Variants in ZNF827 observed in about 807,000 individuals in gnomAD.
ZNF827 encodes zinc finger protein 827.
ZNF827 carries 13 observed loss-of-function variants against 102.4 expected under a neutral mutation model. The observed-to-expected ratio is 0.13, with a 90% CI of 0.08 to 0.20. The LOEUF (loss-of-function observed/expected upper bound fraction) is 0.20. Among genes scored for constraint, ZNF827 ranks in the 10% least tolerant of loss-of-function variants. The pLI is 1.00. For synonymous variants in ZNF827, 523 were observed against 536.2 expected, an observed-to-expected ratio of 0.98 and a Z score of 0.34; for missense variants, 1,103 against 1,344.4, an observed-to-expected ratio of 0.82 and a Z score of 2.81.
At chr4:145,851,148 G>A (rs1317347444) in intron 5 of ZNF827, among the ~76,000 whole-genome samples, 4 of 152,300 alleles carry the variant, frequency 2.6e-5, no homozygotes, top group African/African-American at 9.6e-5. Flanking sequence ...CCTCTGGAAG[G>A]AGTGCAGCCA....
intron 5 of ZNF827, among the ~76,000 whole-genome samples, chr4:145,867,651 T>C (rs1748321245): frequency 6.6e-6 from 1 of 152,232 alleles, no homozygotes; most frequent in South Asian, 2.1e-4. Context: ...AGGAAAAGTA[T>C]GCCTCATCCT....
Position 145,760,977 on chromosome 4 carries a change from G to C in ZNF827, c.*639C>G, listed in dbSNP as rs1346797981. On this transcript the variant is annotated 3_prime_UTR_variant, in exon 15 of 15. Transcript: ENST00000508784. ...ACTTGTCAAAGCGCAAAGGGGAGCC[G>C]TTGAAGGCCAAAGCCTTGAGTGCCA... 8.0e-7 allele frequency: 1 copy of C among 1,246,588 alleles called. No individual in the cohort carries two copies. The highest frequency in any genetic ancestry group is 1.0e-6 in the Non-Finnish European group (1 of 968,188). 77.2% of individuals were successfully genotyped at this position (1,246,588 alleles called of 1,614,324 possible). A position where few individuals can be genotyped will look rare whatever the true frequency, so the allele number is the denominator to read the frequency against.
intron 7 of ZNF827, among the ~76,000 whole-genome samples, chr4:145,845,430 A>G (rs1379177055): frequency 6.6e-6 from 1 of 152,240 alleles, no homozygotes; most frequent in African/African-American, 2.4e-5. Flanking sequence ...GCAATTTTTA[A>G]AAAGCATTAT....
intron 8 of ZNF827, among the ~76,000 whole-genome samples, chr4:145,812,179 G>A (rs1290623959): frequency 1.3e-5 from 2 of 151,788 alleles, no homozygotes; most frequent in Non-Finnish European, 2.9e-5. Flanking sequence ...GCCTGCCTTG[G>A]CCTCCCAAAG....
At chr4:145,937,894 C>G (rs1368650001) in intron 1 of ZNF827, among the ~76,000 whole-genome samples, 2 of 150,484 alleles carry the variant, frequency 1.3e-5, no homozygotes. Flanking sequence ...GGCCCCCAGC[C>G]CTCCGCGCGC....
intron 3 of ZNF827, among the ~76,000 whole-genome samples, chr4:145,891,681 A>G (rs1266931740): frequency 3.3e-5 from 5 of 152,230 alleles, no homozygotes; most frequent in Non-Finnish European, 2.9e-5. Flanking sequence ...CAGTCTTGTT[A>G]GAAAGGGCCC....
intron 8 of ZNF827, among the ~76,000 whole-genome samples, chr4:145,816,282 T>TA (rs1227462969): frequency 6.6e-6 from 1 of 152,242 alleles, no homozygotes; most frequent in African/African-American, 2.4e-5. Flanking sequence ...CTGGGCAGAC[T>TA]CAAACCATAT....
intron 11 of ZNF827, among the ~76,000 whole-genome samples, chr4:145,767,611 C>T (rs1735503869): frequency 6.6e-6 from 1 of 152,022 alleles, no homozygotes; most frequent in African/African-American, 2.4e-5. Context: ...CTGAAAGTAG[C>T]CAGAGGAAGA....
intron 1 of ZNF827, among the ~76,000 whole-genome samples, chr4:145,922,185 C>T (rs1323929530): frequency 2.6e-5 from 4 of 152,148 alleles, no homozygotes; most frequent in South Asian, 2.1e-4. Flanking sequence ...AAGCTGAAGA[C>T]GCACATGCAC....
intron 8 of ZNF827, among the ~76,000 whole-genome samples, chr4:145,821,783 C>T (rs1382518346): frequency 6.6e-6 from 1 of 152,120 alleles, no homozygotes; most frequent in East Asian, 1.9e-4. Context: ...GTAAGTTTAT[C>T]AAGCAAATCA....
chr4:145,849,200 C>T, intron 6 of ZNF827, 122 bp downstream of exon 6: 2 of 1,321,824 alleles, frequency 1.5e-6, no homozygotes, highest in Non-Finnish European at 2.0e-6. Context: ...GTTAAAGCAA[C>T]AAAATTGATT....
chr4:145,809,349 CACAG>C (rs1207795237), intron 8 of ZNF827, among the ~76,000 whole-genome samples: 1 of 152,258 alleles, frequency 6.6e-6, no homozygotes, highest in Non-Finnish European at 1.5e-5. Context: ...CTTCTGGCCT[CACAG>C]ACTGGCTGCC....
chr4:145,921,501 G>T (rs1449047352), intron 1 of ZNF827, among the ~76,000 whole-genome samples: 2 of 147,482 alleles, frequency 1.4e-5, no homozygotes, highest in Non-Finnish European at 3.0e-5. Context: ...AAAGAGGTCA[G>T]CTGGCAACCA....
At chr4:145,927,571 A>C (rs891842994) in intron 1 of ZNF827, among the ~76,000 whole-genome samples, 1 of 152,144 alleles carries the variant, frequency 6.6e-6, no homozygotes, top group Non-Finnish European at 1.5e-5. Flanking sequence ...ACGTTCCATC[A>C]ACACCTAAGG....
intron 1 of ZNF827, among the ~76,000 whole-genome samples, chr4:145,931,850 A>G (rs976221689): frequency 6.6e-6 from 1 of 152,198 alleles, no homozygotes; most frequent in African/African-American, 2.4e-5. Flanking sequence ...AGGTATAGCA[A>G]TGTGGGCTCC....
chr4:145,895,746 G>A (rs534207552), intron 2 of ZNF827, among the ~76,000 whole-genome samples: 1 of 152,206 alleles, frequency 6.6e-6, no homozygotes, highest in Admixed American at 6.5e-5. Context: ...CTACTTTAAA[G>A]AAGGGAGGAA....
At chr4:145,767,907 A>C (rs1198344257) in intron 11 of ZNF827, among the ~76,000 whole-genome samples, 3 of 152,256 alleles carry the variant, frequency 2.0e-5, no homozygotes, top group Non-Finnish European at 4.4e-5. Flanking sequence ...GATCTACACA[A>C]AAGAATGAAG....
rs115821972 is a variant in ZNF827, at chr4:145,759,604, A to G, written c.*2012T>C. 104 of 152,280 alleles carry G rather than the reference A, an allele frequency of 6.8e-4. 2 individuals are homozygous for G. Among genetic ancestry groups the G allele is most frequent in the African/African-American group, 2.4e-3 (99 of 41,546 alleles). The allele number at this position is 152,280 out of a possible 1,614,324, so 9.4% of individuals were successfully genotyped here. A position where few individuals can be genotyped will look rare whatever the true frequency, so the allele number is the denominator to read the frequency against. ...CAGCACCTTTTTGTTGCGTCATTAT[A>G]TGTCAAAGAGGTTGTGGCTAAATCT... On this transcript the variant is annotated 3_prime_UTR_variant, in exon 15 of 15. Transcript: ENST00000508784.
chr4:145,778,616 G>GA (rs913149464), intron 9 of ZNF827, among the ~76,000 whole-genome samples: 22 of 151,682 alleles, frequency 1.5e-4, no homozygotes, highest in Admixed American at 1.2e-3. Context: ...TATCTTGGGG[G>GA]AAAAAAAAGA....
Sources: gnomAD v4.1 joint callset for allele counts (sites outside exome capture counted in the v4.1 genomes callset) on GRCh38, gnomAD v4.1.1 for gene constraint, MANE v1.5 for transcripts, NCBI Gene and HGNC (gene_info 2026-07-23, HGNC 2026-07-21) for gene names.